Variants in RBFOX1 observed in about 807,000 individuals in gnomAD.
RBFOX1 encodes RNA binding fox-1 homolog 1.
Under a neutral mutation model 57.7 loss-of-function variants are expected in RBFOX1, and 8 were observed. The ratio of observed to expected loss-of-function variants is 0.14; its 90% confidence interval spans 0.08 to 0.25. The LOEUF is 0.25. Ranked by LOEUF, RBFOX1 falls within the 10% of genes least tolerant of loss-of-function variation. The pLI is 1.00. For missense variants in RBFOX1, 611 were observed against 548.5 expected (o/e 1.11, Z -1.14); for synonymous variants, 326 against 222.4 (o/e 1.47, Z -4.15).
chr16:7,278,651 A>G (rs777030160), intron 4 of RBFOX1, among the ~76,000 whole-genome samples: 58 of 152,326 alleles, frequency 3.8e-4, no homozygotes, highest in Middle Eastern at 3.4e-3. Context: ...CAAGTCTGCA[A>G]TTCATATCAA....
Position 6,644,071 on chromosome 16 carries a change from A to C in RBFOX1, c.-63-10532A>C, listed in dbSNP as rs139065217. Among the ~76,000 whole-genome samples the C allele has an allele frequency of 2.0e-3, 311 of 152,276 alleles. 1 individual carries two copies. Among genetic ancestry groups the C allele is most frequent in the African/African-American group, 6.9e-3 (286 of 41,548 alleles). ...AACCCGGGAGGCAGAGTTTGCAGTG[A>C]GCCAAGATCACCCTACTGCACTCCA... On this transcript the variant is annotated intron_variant, in intron 2 of 15. Transcript: ENST00000550418.
chr16:7,673,834 T>C (rs1000720758), intron 13 of RBFOX1, among the ~76,000 whole-genome samples: 10 of 152,278 alleles, frequency 6.6e-5, no homozygotes, highest in East Asian at 1.9e-4. Context: ...CCTCGTTCCT[T>C]TGGTTTGGTG....
intron 3 of RBFOX1, among the ~76,000 whole-genome samples, chr16:6,723,265 G>C (rs555219072): frequency 6.6e-6 from 1 of 152,180 alleles, no homozygotes; most frequent in South Asian, 2.1e-4. Context: ...CAGTTTCTTC[G>C]TGTTTCTTAC....
chr16:7,125,959 C>G (rs1293897209), intron 4 of RBFOX1, among the ~76,000 whole-genome samples: 1 of 152,002 alleles, frequency 6.6e-6, no homozygotes, highest in African/African-American at 2.4e-5. Context: ...GGCACACACC[C>G]GTAATCCCAG....
At chr16:5,782,009 C>A (rs2054339387) in intron 3 of RBFOX1, among the ~76,000 whole-genome samples, 1 of 152,216 alleles carries the variant, frequency 6.6e-6, no homozygotes, top group Non-Finnish European at 1.5e-5. Flanking sequence ...AGTTCAAGAC[C>A]AGCCTGGGCC....
intron 1 of RBFOX1, among the ~76,000 whole-genome samples, chr16:6,194,698 C>G (rs1295144568): frequency 6.6e-6 from 1 of 152,158 alleles, no homozygotes; most frequent in Non-Finnish European, 1.5e-5. Flanking sequence ...GTTAGGGTTT[C>G]TTACATTCAT....
At chr16:7,141,405 C>T (rs553049495) in intron 4 of RBFOX1, among the ~76,000 whole-genome samples, 102 of 151,062 alleles carry the variant, frequency 6.8e-4, no homozygotes, top group African/African-American at 2.4e-3. Context: ...GCTTGGGCGG[C>T]AGCTAGAAGA....
At chr16:6,148,561 A>G (rs1013920697) in intron 1 of RBFOX1, among the ~76,000 whole-genome samples, 18 of 152,226 alleles carry the variant, frequency 1.2e-4, no homozygotes, top group Middle Eastern at 3.4e-3. Context: ...ATTAGGACCA[A>G]TAAGAGTCAT....
intron 4 of RBFOX1, among the ~76,000 whole-genome samples, chr16:5,884,717 T>C (rs1489404190): frequency 2.0e-5 from 3 of 152,102 alleles, no homozygotes; most frequent in Non-Finnish European, 4.4e-5. Context: ...AGTTGCCTGA[T>C]CTGTAAATTG....
chr16:5,571,313 TG>T (rs1431212936), intron 2 of RBFOX1, among the ~76,000 whole-genome samples: 1 of 143,372 alleles, frequency 7.0e-6, no homozygotes, highest in Non-Finnish European at 1.5e-5. Context: ...CTCCACTTCC[TG>T]GGTTCAAGTG....
At chr16:5,454,879 TTTC>T (rs2068550316) in intron 1 of RBFOX1, among the ~76,000 whole-genome samples, 1 of 122,040 alleles carries the variant, frequency 8.2e-6, no homozygotes, top group Non-Finnish European at 1.7e-5. Flanking sequence ...TCTTTCTTTC[TTTC>T]TTTCTTTCTT....
intron 4 of RBFOX1, among the ~76,000 whole-genome samples, chr16:7,058,422 A>G (rs2053158758): frequency 6.6e-6 from 1 of 152,190 alleles, no homozygotes. Context: ...TACACTATTA[A>G]GAATCAGGGG....
At position 6,256,269 on chromosome 16, in the gene RBFOX1, ATG is replaced by A. The variant is rs1163696114; in HGVS notation, c.-126-60724_-126-60723del. ...TATGTATATATATGTGTATATATAT[ATG>A]TATATATATATGTGTGTATATATAT... On this transcript the variant is annotated intron_variant, in intron 1 of 15. Coordinates refer to ENST00000550418, the MANE Select transcript of RBFOX1 (RefSeq NM_018723.4). Among the ~76,000 whole-genome samples the A allele has an allele frequency of 2.7e-3, 318 of 116,640 alleles. 3 individuals are homozygous for A. The highest frequency in any genetic ancestry group is 0.012 in the African/African-American group (266 of 22,430). The allele number at this position is 116,640 out of a possible 152,430, so 76.5% of individuals were successfully genotyped here. A position where few individuals can be genotyped will look rare whatever the true frequency, so the allele number is the denominator to read the frequency against.
At chr16:6,855,844 T>TC in intron 3 of RBFOX1, among the ~76,000 whole-genome samples, 3 of 147,564 alleles carry the variant, frequency 2.0e-5, no homozygotes, top group Non-Finnish European at 3.0e-5. Flanking sequence ...CTTCCCTCCC[T>TC]CTTTCCCTCC....
At chr16:6,884,453 G>C (rs1492376) in intron 3 of RBFOX1, among the ~76,000 whole-genome samples, 119,973 of 152,144 alleles carry the variant, frequency 0.79, 48,199 homozygotes, top group African/African-American at 0.94. Flanking sequence ...GGATCGTACT[G>C]TATTCTTATT....
chr16:7,129,852 GGGTGCATGGATAGAT>G (rs2069729166), intron 4 of RBFOX1, among the ~76,000 whole-genome samples: 1 of 126,018 alleles, frequency 7.9e-6, no homozygotes, highest in Admixed American at 8.6e-5. Flanking sequence ...GTGGGTGGGT[GGGTGCATGGATAGAT>G]GGTGGATGAA....
At chr16:6,698,059 A>G (rs2061315036) in intron 3 of RBFOX1, among the ~76,000 whole-genome samples, 1 of 152,178 alleles carries the variant, frequency 6.6e-6, no homozygotes, top group African/African-American at 2.4e-5. Flanking sequence ...CCCACTGCAC[A>G]CTGTCTGTGA....
chr16:5,959,393 TA>T (rs2059706717), intron 4 of RBFOX1, among the ~76,000 whole-genome samples: 2 of 152,188 alleles, frequency 1.3e-5, no homozygotes, highest in South Asian at 4.1e-4. Flanking sequence ...ATTAAAATTT[TA>T]AATTGGGTGA....
chr16:6,148,453 C>G (rs1382021350), intron 1 of RBFOX1, among the ~76,000 whole-genome samples: 1 of 152,226 alleles, frequency 6.6e-6, no homozygotes, highest in East Asian at 1.9e-4. Context: ...CTCCCACCTC[C>G]TGGAACACTC....
Sources: gnomAD v4.1 joint callset for allele counts (sites outside exome capture counted in the v4.1 genomes callset) on GRCh38, gnomAD v4.1.1 for gene constraint, MANE v1.5 for transcripts, NCBI Gene and HGNC (gene_info 2026-07-23, HGNC 2026-07-21) for gene names.